CCDC12: variants seen among roughly 807,000 people sequenced by gnomAD.
CCDC12 encodes coiled-coil domain-containing protein 12.
Under a neutral mutation model 25.7 loss-of-function variants are expected in CCDC12, and 28 were observed. The observed-to-expected ratio is 1.09, with a 90% CI of 0.81 to 1.50. CCDC12 has a LOEUF of 1.50. Ranked by LOEUF, CCDC12 falls within the 40% of genes most tolerant of loss-of-function variation. The pLI, the probability that CCDC12 is intolerant of heterozygous loss-of-function variation, is 0.00. For synonymous variants in CCDC12, 75 were observed against 87.7 expected (o/e 0.86, Z 0.81); for missense variants, 198 against 210.0 (o/e 0.94, Z 0.35).
At chr3:46,935,207 T>C (rs1394425206) in intron 2 of CCDC12, among the ~76,000 whole-genome samples, 1 of 152,242 alleles carries the variant, frequency 6.6e-6, no homozygotes, top group Non-Finnish European at 1.5e-5. Context: ...CTATCTCTGA[T>C]GGTGACCGAC....
chr3:46,976,984 C>G, upstream of CCDC12: 1 of 555,956 alleles, frequency 1.8e-6, no homozygotes. Flanking sequence ...AAAAAAAAAG[C>G]TAAGGCTCGA....
chr3:46,962,270 C>A (rs1002946472), intron 1 of CCDC12, among the ~76,000 whole-genome samples: 1 of 151,732 alleles, frequency 6.6e-6, no homozygotes. Context: ...CCTGTCTCTA[C>A]TAAAAACACA....
chr3:46,945,089 G>A (rs183510854), intron 1 of CCDC12, among the ~76,000 whole-genome samples: 1 of 152,154 alleles, frequency 6.6e-6, no homozygotes, highest in South Asian at 2.1e-4. Context: ...TGCATATCAG[G>A]GTCTGACCGT....
intron 1 of CCDC12, among the ~76,000 whole-genome samples, chr3:46,945,339 G>C (rs1374092392): frequency 6.6e-6 from 1 of 152,194 alleles, no homozygotes; most frequent in Non-Finnish European, 1.5e-5. Flanking sequence ...GTCTGGGCTG[G>C]GGCCCTCCCC....
chr3:46,976,357 G>T (rs1412903880), intron 1 of CCDC12: 11 of 1,358,478 alleles, frequency 8.1e-6, no homozygotes, highest in Non-Finnish European at 9.5e-6. Flanking sequence ...ACCTACACGA[G>T]CAACACCCGG....
chr3:46,940,819 G>A (rs1425890891), intron 2 of CCDC12, 179 bp downstream of exon 2: 11 of 633,792 alleles, frequency 1.7e-5, no homozygotes, highest in Non-Finnish European at 2.8e-5. Flanking sequence ...GGCAGAGAAG[G>A]CCTCGACAAG....
rs78903602 is a variant in CCDC12, at chr3:46,923,293, G to C, written c.341+36C>G. On this transcript the variant is annotated intron_variant, in intron 5 of 6. Transcript: ENST00000683445. ...CCATGCTGGCACCAAGAGTCCCCGAGTCAGCCTGCACCCGCCACGCACGGG... is the reference window on the plus strand; with the variant it reads ...CCATGCTGGCACCAAGAGTCCCCGACTCAGCCTGCACCCGCCACGCACGGG... 4 of 1,465,070 alleles carry C rather than the reference G, an allele frequency of 2.7e-6. No individual in the cohort carries two copies. The East Asian group carries it at 9.8e-5, about 36-fold the overall frequency. The allele number at this position is 1,465,070 out of a possible 1,614,324, so 90.8% of individuals were successfully genotyped here. A position where few individuals can be genotyped will look rare whatever the true frequency, so the allele number is the denominator to read the frequency against.
intron 2 of CCDC12, among the ~76,000 whole-genome samples, chr3:46,930,056 A>G (rs986448248): frequency 2.0e-5 from 3 of 150,982 alleles, no homozygotes; most frequent in East Asian, 1.9e-4. Context: ...AAAAAAAAAA[A>G]AGAGATGGGG....
intron 2 of CCDC12, among the ~76,000 whole-genome samples, chr3:46,928,264 G>A (rs1480874135): frequency 3.3e-5 from 5 of 152,148 alleles, no homozygotes; most frequent in South Asian, 2.1e-4. Context: ...GTATATATAT[G>A]TATTTTAAAT....
chr3:46,923,519 A>G, intron 4 of CCDC12, 88 bp downstream of exon 4: 1 of 1,476,894 alleles, frequency 6.8e-7, no homozygotes, highest in East Asian at 2.4e-5. Context: ...AGTGACGAGA[A>G]GGAATGGGGG....
chr3:46,948,199 T>A (rs955981742), intron 1 of CCDC12, among the ~76,000 whole-genome samples: 1 of 152,174 alleles, frequency 6.6e-6, no homozygotes, highest in Non-Finnish European at 1.5e-5. Flanking sequence ...ACAGATCTGA[T>A]TCCCCATTCA....
intron 1 of CCDC12, among the ~76,000 whole-genome samples, chr3:46,951,092 C>T (rs555909346): frequency 6.6e-6 from 1 of 152,238 alleles, no homozygotes; most frequent in South Asian, 2.1e-4. Flanking sequence ...TGTAACTGAA[C>T]TACTGCACTC....
intron 1 of CCDC12, among the ~76,000 whole-genome samples, chr3:46,960,180 C>A (rs2034420403): frequency 6.6e-6 from 1 of 152,020 alleles, no homozygotes; most frequent in Admixed American, 6.6e-5. Flanking sequence ...CCTGACCGTG[C>A]TTGAGGCAAG....
rs371556796 is a variant in CCDC12 at position 46,922,297 on chromosome 3, A to G, written c.357T>C (p.Asp119=). The G allele has an allele frequency of 5.8e-5, 93 of 1,614,034 alleles. No homozygotes were observed. Among genetic ancestry groups the G allele is most frequent in the Non-Finnish European group, 9.3e-6 (11 of 1,180,022 alleles). The stretch of plus-strand genomic sequence containing the variant: ...TTAGTTTCTCCAGCTTCTTGGCCAC[A>G]TCTCTCTTGAGGTCCCTGGAGCAGG... ...PRKPDWDLKR[D]VAKKLEKLKK... Residue 119 remains aspartate, a synonymous_variant, in exon 6 of 7, where the codon GAT becomes GAC. Coordinates refer to ENST00000683445, the MANE Select transcript of CCDC12 (RefSeq NM_001277074.2).
At chr3:46,980,883 T>G (rs994763259), upstream of CCDC12, among the ~76,000 whole-genome samples, 1 of 152,194 alleles carries the variant, frequency 6.6e-6, no homozygotes. Context: ...GGCTCAGGTG[T>G]GCCCTGGGCA....
intron 2 of CCDC12, among the ~76,000 whole-genome samples, chr3:46,936,633 CATCT>C (rs1389127249): frequency 1.3e-5 from 2 of 152,190 alleles, no homozygotes; most frequent in Non-Finnish European, 1.5e-5. Flanking sequence ...GACCTTACTC[CATCT>C]GTCTATGTCC....
intron 2 of CCDC12, among the ~76,000 whole-genome samples, chr3:46,933,426 C>T (rs1246930620): frequency 6.6e-6 from 1 of 152,176 alleles, no homozygotes; most frequent in Admixed American, 6.5e-5. Flanking sequence ...CACGTGTTGG[C>T]ACCAAGGCCT....
In CCDC12 at chr3:46,962,434, CAAAA is replaced by C. The variant is rs33969115; in HGVS notation, c.96+14199_96+14202del. On this transcript the variant is annotated intron_variant, in intron 1 of 6. Coordinates refer to ENST00000683445, the MANE Select transcript of CCDC12 (RefSeq NM_001277074.2). Reference sequence around the variant, plus strand: ...GGGTAACAAGAGCAAAACTCTATCTCAAAAAAAAAAAAAAAAAAAAAATTTAATT... The same window carrying C: ...GGGTAACAAGAGCAAAACTCTATCTCAAAAAAAAAAAAAAAAAATTTAATT... 6.3e-4 allele frequency among the ~76,000 whole-genome samples: 40 copies of C among 63,178 alleles called. No individual in the cohort carries two copies. The South Asian group carries it at 9.2e-3, about 15-fold the overall frequency. 41.4% of individuals were successfully genotyped at this position (63,178 alleles called of 152,430 possible).
chr3:46,921,933 G>T lies in CCDC12; in HGVS notation c.*124C>A. 2 of 1,004,110 alleles carry T rather than the reference G, an allele frequency of 2.0e-6. No individual in the cohort carries two copies. The highest frequency in any genetic ancestry group is 2.5e-5 in the East Asian group (1 of 39,466). The allele number at this position is 1,004,110 out of a possible 1,614,324, so 62.2% of individuals were successfully genotyped here. A position where few individuals can be genotyped will look rare whatever the true frequency, so the allele number is the denominator to read the frequency against. ...CCTCATCCATGGGGGTTTCAGACTT[G>T]ATGGGCAGGGAGTCTCTGCTCAGAA... On this transcript the variant is annotated 3_prime_UTR_variant, in exon 7 of 7. Transcript: ENST00000683445.
Sources: allele counts gnomAD v4.1 joint callset (sites outside exome capture counted in the v4.1 genomes callset), GRCh38; gene constraint gnomAD v4.1.1; transcripts MANE v1.5; gene names NCBI Gene and HGNC (gene_info 2026-07-23, HGNC 2026-07-21).